ROBO2: variants seen among roughly 807,000 people sequenced by gnomAD.
The protein encoded by ROBO2 is roundabout guidance receptor 2.
ROBO2 carries 53 observed loss-of-function variants against 160.8 expected under a neutral mutation model. The observed-to-expected ratio is 0.33, with a 90% CI of 0.26 to 0.41. The LOEUF (loss-of-function observed/expected upper bound fraction) is 0.41, where lower values mean the gene tolerates loss of function less well. ROBO2 is among the 10% of genes least tolerant of loss of function. The pLI is 1.00. For missense variants in ROBO2, 1,577 were observed against 1,722.4 expected (o/e 0.92, Z 1.49); for synonymous variants, 664 against 611.7 (o/e 1.09, Z -1.26).
At chr3:77,209,534 T>A (rs1379140991) in intron 2 of ROBO2, among the ~76,000 whole-genome samples, 1 of 152,202 alleles carries the variant, frequency 6.6e-6, no homozygotes. Flanking sequence ...AATCAATTTC[T>A]TCCCTGGTTG....
At chr3:77,456,703 G>T in intron 2 of ROBO2, among the ~76,000 whole-genome samples, 1 of 152,118 alleles carries the variant, frequency 6.6e-6, no homozygotes, top group East Asian at 1.9e-4. Context: ...AAATGACTGG[G>T]CTTATTTGAA....
chr3:77,573,954 T>C (rs749552592), intron 13 of ROBO2, among the ~76,000 whole-genome samples: 1 of 151,968 alleles, frequency 6.6e-6, no homozygotes, highest in Non-Finnish European at 1.5e-5. Context: ...GGGCAGGGGC[T>C]GACTCTATTT....
chr3:76,532,716 G>C (rs1451653590), intron 2 of ROBO2, among the ~76,000 whole-genome samples: 1 of 152,136 alleles, frequency 6.6e-6, no homozygotes. Flanking sequence ...CATGTTCTAA[G>C]CAAGGAAGGC....
intron 2 of ROBO2, among the ~76,000 whole-genome samples, chr3:77,200,845 A>T (rs573116456): frequency 6.6e-6 from 1 of 152,174 alleles, no homozygotes; most frequent in Non-Finnish European, 1.5e-5. Context: ...ACCAACTGGC[A>T]AGCGAGGGTT....
chr3:76,800,397 GCA>G (rs1172643488), intron 2 of ROBO2, among the ~76,000 whole-genome samples: 11 of 152,132 alleles, frequency 7.2e-5, no homozygotes, highest in South Asian at 4.1e-4. Flanking sequence ...AATATCTTCT[GCA>G]CAAAAAAGGA....
Position 76,991,621 on chromosome 3 carries a change from G to A in ROBO2, c.110-106393G>A, listed in dbSNP as rs187850056. 1.7e-4 allele frequency among the ~76,000 whole-genome samples: 26 copies of A among 152,222 alleles called. No individual in the cohort carries two copies. In the East Asian group the frequency reaches 4.8e-3, roughly 28 times the overall value. On this transcript the variant is annotated intron_variant, in intron 2 of 26. Transcript: ENST00000487694. ...TTACGTTTTGAAGAGATAATAAGTT[G>A]ATAATTCAAAGAAAAAGTATTCTTT... is the stretch of plus-strand genomic sequence containing the variant.
intron 8 of ROBO2, among the ~76,000 whole-genome samples, chr3:77,555,070 A>C (rs567204805): frequency 6.6e-6 from 1 of 152,136 alleles, no homozygotes; most frequent in Non-Finnish European, 1.5e-5. Flanking sequence ...AGCAACCATC[A>C]GCACTGAGGC....
chr3:76,777,208 A>G (rs151167408), intron 2 of ROBO2, among the ~76,000 whole-genome samples: 114 of 151,214 alleles, frequency 7.5e-4, no homozygotes, highest in African/African-American at 2.7e-3. Context: ...GCCATTTTAC[A>G]CTGATTCGAA....
rs138365671 is a variant in ROBO2, at chr3:77,535,497, C to G, written c.935-10841C>G. ...ATTTAGGATCTTGAAAGAAGTTTTT[C>G]ACCACTTTAAACTAGTCTTCTTCTG... On this transcript the variant is annotated intron_variant, in intron 6 of 25. Transcript: ENST00000461745. Among the ~76,000 whole-genome samples the G allele has an allele frequency of 6.4e-4, 97 of 152,238 alleles. 1 individual carries two copies. Among genetic ancestry groups the G allele is most frequent in the African/African-American group, 2.1e-3 (87 of 41,546 alleles).
chr3:76,359,888 C>T (rs1279589474), intron 2 of ROBO2, among the ~76,000 whole-genome samples: 1 of 151,970 alleles, frequency 6.6e-6, no homozygotes, highest in African/African-American at 2.4e-5. Context: ...AAAGTTATAA[C>T]ATTATATGCA....
intron 2 of ROBO2, among the ~76,000 whole-genome samples, chr3:77,452,588 C>T (rs541086640): frequency 8.6e-5 from 13 of 151,930 alleles, no homozygotes; most frequent in Middle Eastern, 3.2e-3. Flanking sequence ...CGTAATTTTG[C>T]GGTTCTTTTA....
At chr3:76,866,870 A>G (rs2071424313) in intron 2 of ROBO2, among the ~76,000 whole-genome samples, 1 of 152,126 alleles carries the variant, frequency 6.6e-6, no homozygotes, top group South Asian at 2.1e-4. Flanking sequence ...CATCTCAACC[A>G]CTACCTCCCA....
In ROBO2 at chr3:76,204,746, T is replaced by G. The variant is rs527298236; in HGVS notation, c.109+267144T>G. On this transcript the variant is annotated intron_variant, in intron 2 of 26. Transcript: ENST00000487694. ...GTCTCCTATTGGCTACATATCACAA[T>G]CTGAGTTCATCTTGCAGATATCCCA... 7.9e-5 allele frequency among the ~76,000 whole-genome samples: 12 copies of G among 152,284 alleles called. No individual in the cohort carries two copies. The South Asian group carries it at 1.7e-3, about 21-fold the overall frequency.
chr3:76,909,365 AG>A (rs970440498), intron 2 of ROBO2, among the ~76,000 whole-genome samples: 12 of 152,202 alleles, frequency 7.9e-5, no homozygotes, highest in African/African-American at 2.7e-4. Flanking sequence ...ACAATATGCT[AG>A]GACGAGAGAA....
chr3:76,880,941 G>A (rs1028169014), intron 2 of ROBO2, among the ~76,000 whole-genome samples: 2 of 152,182 alleles, frequency 1.3e-5, no homozygotes, highest in Non-Finnish European at 2.9e-5. Flanking sequence ...TCTCCTGGGA[G>A]AGTTTTCCTA....
intron 2 of ROBO2, among the ~76,000 whole-genome samples, chr3:77,141,840 T>C (rs889816771): frequency 1.3e-5 from 2 of 152,200 alleles, no homozygotes; most frequent in Admixed American, 6.5e-5. Flanking sequence ...GCTACATCCT[T>C]GGGTAAAAGT....
At chr3:77,480,302 C>CAA (rs34989735) in intron 3 of ROBO2, among the ~76,000 whole-genome samples, 2,736 of 145,596 alleles carry the variant, frequency 0.019, 40 homozygotes, top group Non-Finnish European at 0.024. Context: ...AAATGAGTAC[C>CAA]AAAAAAAAAA....
chr3:77,445,182 AC>A (rs1385534801), intron 2 of ROBO2, among the ~76,000 whole-genome samples: 1 of 152,202 alleles, frequency 6.6e-6, no homozygotes, highest in Non-Finnish European at 1.5e-5. Flanking sequence ...AAAGATGGGC[AC>A]CTGGCCCACA....
chr3:76,369,137 C>T (rs2075978199), intron 2 of ROBO2, among the ~76,000 whole-genome samples: 2 of 151,932 alleles, frequency 1.3e-5, no homozygotes, highest in African/African-American at 2.4e-5. Context: ...GCTTCTTTCC[C>T]AGGTGTTTTT....
Sources: gnomAD v4.1 joint callset for allele counts (sites outside exome capture counted in the v4.1 genomes callset) on GRCh38, gnomAD v4.1.1 for gene constraint, MANE v1.5 for transcripts, NCBI Gene and HGNC (gene_info 2026-07-23, HGNC 2026-07-21) for gene names.